The following EPHA6 variants were observed in gnomAD, a reference collection of about 807,000 sequenced individuals.
EPHA6 encodes EPH receptor A6.
Under a neutral mutation model 112.0 loss-of-function variants are expected in EPHA6, and 50 were observed. The observed-to-expected ratio is 0.45, with a 90% CI of 0.36 to 0.56. The LOEUF (loss-of-function observed/expected upper bound fraction) is 0.56, where lower values mean the gene tolerates loss of function less well. EPHA6 is among the 20% of genes least tolerant of loss of function. The pLI is 0.00. For missense variants in EPHA6, 1,280 were observed against 1,417.4 expected (o/e 0.90, Z 1.56); for synonymous variants, 529 against 490.7 (o/e 1.08, Z -1.03).
chr3:97,498,606 G>A (rs139471422), intron 10 of EPHA6, among the ~76,000 whole-genome samples: 390 of 152,296 alleles, frequency 2.6e-3, no homozygotes, highest in Middle Eastern at 6.8e-3. Flanking sequence ...CTTGTTGGTT[G>A]ATGGAACAAA....
intron 4 of EPHA6, among the ~76,000 whole-genome samples, chr3:97,241,583 T>C (rs774346176): frequency 6.6e-6 from 1 of 151,778 alleles, no homozygotes; most frequent in Non-Finnish European, 1.5e-5. Context: ...TAATTGTCTC[T>C]CTTTGTTCCA....
chr3:97,364,349 T>G (rs1007440368), intron 5 of EPHA6, among the ~76,000 whole-genome samples: 19 of 151,694 alleles, frequency 1.3e-4, no homozygotes, highest in African/African-American at 3.9e-4. Context: ...TTTTAGTTTT[T>G]TTTTTTTTTT....
At chr3:97,245,510 A>T (rs58618849) in intron 5 of EPHA6, among the ~76,000 whole-genome samples, 3,282 of 152,084 alleles carry the variant, frequency 0.022, 125 homozygotes, top group African/African-American at 0.068. Flanking sequence ...CATAATATAC[A>T]CAATGGCAGC....
intron 5 of EPHA6, among the ~76,000 whole-genome samples, chr3:97,281,393 C>T (rs558886881): frequency 6.6e-6 from 1 of 152,190 alleles, no homozygotes; most frequent in Non-Finnish European, 1.5e-5. Flanking sequence ...TTTTAATTTG[C>T]ATTCATTTTA....
chr3:97,122,069 A>T (rs1426347037), intron 3 of EPHA6, among the ~76,000 whole-genome samples: 1 of 152,108 alleles, frequency 6.6e-6, no homozygotes, highest in Non-Finnish European at 1.5e-5. Flanking sequence ...ACTTGTTTAC[A>T]TACGTGCCCT....
intron 3 of EPHA6, among the ~76,000 whole-genome samples, chr3:97,134,613 A>G (rs1484546285): frequency 6.6e-6 from 1 of 152,166 alleles, no homozygotes; most frequent in Non-Finnish European, 1.5e-5. Context: ...CCTAAATAAT[A>G]CTATTATGCT....
chr3:97,031,101 T>C (rs547139278), intron 3 of EPHA6, among the ~76,000 whole-genome samples: 30 of 152,132 alleles, frequency 2.0e-4, no homozygotes, highest in African/African-American at 6.7e-4. Flanking sequence ...AACAGAGATA[T>C]AGGCCAATGG....
At chr3:97,423,473 A>G (rs1188406884) in intron 6 of EPHA6, among the ~76,000 whole-genome samples, 1 of 152,168 alleles carries the variant, frequency 6.6e-6, no homozygotes, top group Admixed American at 6.5e-5. Flanking sequence ...ACAATGATAA[A>G]TATAAAACGC....
At chr3:97,275,250 G>A (rs988413829) in intron 5 of EPHA6, among the ~76,000 whole-genome samples, 8 of 152,130 alleles carry the variant, frequency 5.3e-5, no homozygotes, top group African/African-American at 1.9e-4. Context: ...TCAGCAGGGA[G>A]AGCACATGTG....
chr3:97,717,265 T>C (rs1466404840), intron 14 of EPHA6, among the ~76,000 whole-genome samples: 3 of 147,422 alleles, frequency 2.0e-5, no homozygotes, highest in African/African-American at 7.5e-5. Flanking sequence ...ACAGTTGAAA[T>C]AAAATTGGAA....
intron 2 of EPHA6, among the ~76,000 whole-genome samples, chr3:96,921,594 T>C (rs1255859538): frequency 2.0e-5 from 3 of 151,932 alleles, no homozygotes; most frequent in Non-Finnish European, 2.9e-5. Flanking sequence ...TTTTTTTTTT[T>C]TCAAGACTCT....
intron 14 of EPHA6, among the ~76,000 whole-genome samples, chr3:97,694,996 T>A (rs1046658618): frequency 2.6e-5 from 4 of 152,216 alleles, no homozygotes; most frequent in African/African-American, 9.7e-5. Context: ...GTTTTTTTCC[T>A]GAGGAAGTCT....
chr3:97,051,803 G>A (rs993573988), intron 3 of EPHA6, among the ~76,000 whole-genome samples: 2 of 151,980 alleles, frequency 1.3e-5, no homozygotes, highest in South Asian at 2.1e-4. Context: ...AATTGTTCCA[G>A]ATTGCAGCCT....
In EPHA6 at chr3:97,237,636, T is replaced by A. The variant is rs1175240179; in HGVS notation, c.1271-6316T>A. On this transcript the variant is annotated intron_variant, in intron 4 of 17. Transcript: ENST00000389672. Reference sequence around the variant, plus strand: ...TTCATAATTTGAAACAGAACATCCATAATTGTTGCTACAATGTTATGCATT... The same window carrying A: ...TTCATAATTTGAAACAGAACATCCAAAATTGTTGCTACAATGTTATGCATT... Among the ~76,000 whole-genome samples the A allele has an allele frequency of 3.9e-5, 6 of 152,066 alleles. No individual in the cohort carries two copies. The South Asian group carries it at 1.0e-3, about 26-fold the overall frequency.
intron 3 of EPHA6, among the ~76,000 whole-genome samples, chr3:97,195,158 T>C (rs1490323015): frequency 1.3e-5 from 2 of 152,028 alleles, no homozygotes; most frequent in East Asian, 1.9e-4. Context: ...CTCCCTTTCC[T>C]TCTTTCTGTC....
chr3:97,333,853 A>C (rs1451040201), intron 5 of EPHA6, among the ~76,000 whole-genome samples: 1 of 152,052 alleles, frequency 6.6e-6, no homozygotes, highest in East Asian at 1.9e-4. Context: ...GAATAATAGT[A>C]GCAGAGTAGA....
intron 2 of EPHA6, among the ~76,000 whole-genome samples, chr3:96,933,354 A>G (rs1217899458): frequency 6.6e-6 from 1 of 152,176 alleles, no homozygotes; most frequent in African/African-American, 2.4e-5. Context: ...TAATTATTGT[A>G]TTTCCAAGTT....
At chr3:97,170,224 G>A (rs2076660682) in intron 3 of EPHA6, among the ~76,000 whole-genome samples, 1 of 152,032 alleles carries the variant, frequency 6.6e-6, no homozygotes, top group Non-Finnish European at 1.5e-5. Context: ...TTAAATTTTA[G>A]GTTTTATGGT....
At chr3:96,976,794 C>T (rs1335537554) in intron 2 of EPHA6, among the ~76,000 whole-genome samples, 1 of 152,104 alleles carries the variant, frequency 6.6e-6, no homozygotes, top group African/African-American at 2.4e-5. Flanking sequence ...TACCATAGCA[C>T]AGGTATTCAA....
Sources: allele counts gnomAD v4.1 joint callset (sites outside exome capture counted in the v4.1 genomes callset), GRCh38; gene constraint gnomAD v4.1.1; transcripts MANE v1.5; gene names NCBI Gene and HGNC (gene_info 2026-07-23, HGNC 2026-07-21).